Variants in UST observed in about 807,000 individuals in gnomAD.
UST encodes the protein uronyl 2-sulfotransferase.
In UST, 21 loss-of-function variants were observed where a neutral mutation model predicts 45.6. The ratio of observed to expected loss-of-function variants is 0.46; its 90% CI spans 0.33 to 0.66. The LOEUF is 0.66. UST is among the 30% of genes least tolerant of loss of function. UST has a pLI of 0.02. For missense variants in UST, 463 were observed against 512.4 expected (o/e 0.90, Z 0.93); for synonymous variants, 215 against 200.6 (o/e 1.07, Z -0.61).
chr6:149,042,956 TTTCTTTC>T (rs199938082), intron 7 of UST, among the ~76,000 whole-genome samples: 10,982 of 71,654 alleles, frequency 0.15, 528 homozygotes, highest in East Asian at 0.21. Context: ...TCACCATCCT[TTTCTTTC>T]TTTCTTTCTT....
chr6:148,838,576 G>A (rs188282686), intron 1 of UST, among the ~76,000 whole-genome samples: 14 of 152,218 alleles, frequency 9.2e-5, no homozygotes, highest in Middle Eastern at 3.4e-3. Context: ...CACTGTCAGT[G>A]TCAAGGCTCT....
intron 1 of UST, among the ~76,000 whole-genome samples, chr6:148,788,747 A>G (rs1035002718): frequency 1.2e-4 from 18 of 152,246 alleles, no homozygotes; most frequent in African/African-American, 4.3e-4. Context: ...TTTGAGATCA[A>G]ATTTTAAGAT....
chr6:148,837,033 G>T (rs187164073), intron 1 of UST, among the ~76,000 whole-genome samples: 36 of 152,202 alleles, frequency 2.4e-4, no homozygotes, highest in Admixed American at 2.2e-3. Flanking sequence ...AGATCATTCC[G>T]TGGATATTTG....
At chr6:148,827,725 TAA>T (rs200443668) in intron 1 of UST, among the ~76,000 whole-genome samples, 28 of 118,304 alleles carry the variant, frequency 2.4e-4, no homozygotes, top group African/African-American at 4.2e-4. Context: ...TTCTAGTTTG[TAA>T]AAAAAAAAAA....
At chr6:149,058,393 G>A (rs1467580138) in intron 7 of UST, among the ~76,000 whole-genome samples, 1 of 150,884 alleles carries the variant, frequency 6.6e-6, no homozygotes, top group Non-Finnish European at 1.5e-5. Flanking sequence ...GTGTGTATGT[G>A]CGCGCGCGTG....
At chr6:148,802,413 A>G (rs992131440) in intron 1 of UST, among the ~76,000 whole-genome samples, 1 of 152,278 alleles carries the variant, frequency 6.6e-6, no homozygotes, top group Admixed American at 6.5e-5. Context: ...TTGTGAGAAC[A>G]CAATGTATAT....
chr6:148,871,145 T>TCTCTCTCTCTCC (rs1032229926), intron 1 of UST, among the ~76,000 whole-genome samples: 10 of 135,104 alleles, frequency 7.4e-5, no homozygotes, highest in Admixed American at 1.5e-4. Flanking sequence ...TCTCTCTCTC[T>TCTCTCTCTCTCC]CCCTCTCTCC....
chr6:148,854,315 A>T (rs947727965), intron 1 of UST, among the ~76,000 whole-genome samples: 9 of 152,214 alleles, frequency 5.9e-5, no homozygotes, highest in Non-Finnish European at 1.2e-4. Context: ...CATGATTCTG[A>T]ATGTGTGGCT....
intron 7 of UST, among the ~76,000 whole-genome samples, chr6:149,053,957 T>C (rs1776526636): frequency 6.6e-6 from 1 of 152,194 alleles, no homozygotes; most frequent in Non-Finnish European, 1.5e-5. Context: ...GTCATGAGCT[T>C]GGCAGGGTGG....
intron 1 of UST, among the ~76,000 whole-genome samples, chr6:148,814,897 A>C (rs1777327598): frequency 6.6e-6 from 1 of 152,200 alleles, no homozygotes; most frequent in Non-Finnish European, 1.5e-5. Flanking sequence ...TATGTGCAAG[A>C]AATACACTAA....
rs144934783 is a variant in UST at position 148,803,321 on chromosome 6, G to A, written c.247+55644G>A. Among the ~76,000 whole-genome samples, 255 of 152,154 alleles carry A rather than the reference G, an allele frequency of 1.7e-3. 1 individual carries two copies. Among genetic ancestry groups the A allele is most frequent in the Admixed American group, 0.015 (227 of 15,286 alleles). On this transcript the variant is annotated intron_variant, in intron 1 of 7. Transcript: ENST00000367463. ...ACTGAATTACAAGATCTTGATTCTC[G>A]GTTCTTACCATTCCTGGGATATTCT...
At chr6:148,907,670 G>C (rs548508409) in intron 2 of UST, among the ~76,000 whole-genome samples, 97 of 152,208 alleles carry the variant, frequency 6.4e-4, no homozygotes, top group African/African-American at 2.3e-3. Context: ...TTTAGCACTG[G>C]CTCAGGTACT....
At chr6:149,028,593 C>T (rs1389696442) in intron 7 of UST, among the ~76,000 whole-genome samples, 2 of 152,224 alleles carry the variant, frequency 1.3e-5, no homozygotes, top group Non-Finnish European at 2.9e-5. Context: ...TTCTGTATTA[C>T]TGACTTGGGC....
chr6:149,069,512 T>C (rs1021025295), intron 7 of UST, among the ~76,000 whole-genome samples: 1 of 152,222 alleles, frequency 6.6e-6, no homozygotes, highest in Non-Finnish European at 1.5e-5. Context: ...TTTTTTCATA[T>C]ACCTCTTGGC....
At chr6:148,905,134 C>T (rs1300283843) in intron 2 of UST, among the ~76,000 whole-genome samples, 1 of 152,216 alleles carries the variant, frequency 6.6e-6, no homozygotes, top group Non-Finnish European at 1.5e-5. Flanking sequence ...ATCTAGTTAA[C>T]ATTTCTAGAC....
intron 2 of UST, among the ~76,000 whole-genome samples, chr6:148,936,158 A>T (rs1427686454): frequency 6.6e-6 from 1 of 152,202 alleles, no homozygotes; most frequent in Non-Finnish European, 1.5e-5. Flanking sequence ...ATGCCAAATG[A>T]TATTTCTGGG....
chr6:149,020,591 A>G (rs1386936745), intron 6 of UST, among the ~76,000 whole-genome samples: 1 of 152,218 alleles, frequency 6.6e-6, no homozygotes, highest in Non-Finnish European at 1.5e-5. Context: ...AGTCTTTACA[A>G]CAATGCTTTG....
At position 148,748,847 on chromosome 6, in the gene UST, A is replaced by C. The variant is rs910555953; in HGVS notation, c.247+1170A>C. Reference sequence around the variant, plus strand: ...ACCCGGGCCAGCTGGAGGCTGCCACAGTTACCCCAAACGTCACTTCGTGGC... The same window carrying C: ...ACCCGGGCCAGCTGGAGGCTGCCACCGTTACCCCAAACGTCACTTCGTGGC... On this transcript the variant is annotated intron_variant, in intron 1 of 7. Transcript: ENST00000367463. This position sits in a 1 kb window ranked among gnomAD's most constrained non-coding sequence, Gnocchi z 5.3. Among the ~76,000 whole-genome samples, 15 of 152,066 alleles carry C rather than the reference A, an allele frequency of 9.9e-5. 1 individual carries two copies. The highest frequency in any genetic ancestry group is 1.3e-4 in the Admixed American group (2 of 15,278).
chr6:148,828,885 G>A (rs939910612), intron 1 of UST, among the ~76,000 whole-genome samples: 10 of 152,122 alleles, frequency 6.6e-5, no homozygotes, highest in South Asian at 6.2e-4. Context: ...AGTACATTGC[G>A]GTTAACTTTT....
Sources: gnomAD v4.1 joint callset for allele counts (sites outside exome capture counted in the v4.1 genomes callset) on GRCh38, gnomAD v4.1.1 for gene constraint, Gnocchi (gnomAD v3.1) non-coding constraint, MANE v1.5 for transcripts, NCBI Gene and HGNC (gene_info 2026-07-23, HGNC 2026-07-21) for gene names.